The following SLC25A48 variants were observed in gnomAD, a reference collection of about 807,000 sequenced individuals.
The protein encoded by SLC25A48 is CTC-321K16.1.
SLC25A48 carries 29 observed loss-of-function variants against 32.2 expected under a neutral mutation model. The ratio of observed to expected loss-of-function variants is 0.90; its 90% CI spans 0.67 to 1.23. The LOEUF (loss-of-function observed/expected upper bound fraction) is 1.23. SLC25A48 is among the 50% of genes most tolerant of loss of function. SLC25A48 has a pLI of 0.00. For synonymous variants in SLC25A48, 164 were observed against 172.3 expected, an observed-to-expected ratio of 0.95 and a Z score of 0.38; for missense variants, 399 against 422.7, an observed-to-expected ratio of 0.94 and a Z score of 0.49.
At chr5:135,875,539 G>C (rs1761971849) in intron 6 of SLC25A48, 1 of 152,326 alleles carries the variant, frequency 6.6e-6, no homozygotes, top group East Asian at 1.9e-4. Context: ...TTCAATCATG[G>C]ATCAATCATC....
At chr5:135,658,893 C>G (rs1234055601) in intron 3 of SLC25A48, among the ~76,000 whole-genome samples, 1 of 152,252 alleles carries the variant, frequency 6.6e-6, no homozygotes, top group Non-Finnish European at 1.5e-5. Context: ...GGCACCATGT[C>G]TTGAGGCTGC....
At chr5:135,716,496 G>C (rs911186978) in intron 3 of SLC25A48, among the ~76,000 whole-genome samples, 2 of 152,106 alleles carry the variant, frequency 1.3e-5, no homozygotes, top group Non-Finnish European at 2.9e-5. Context: ...CTCCTCAGAG[G>C]GACCAGACAT....
intron 1 of SLC25A48, among the ~76,000 whole-genome samples, chr5:135,600,691 A>AT (rs11320465): frequency 7.3e-5 from 11 of 150,506 alleles, no homozygotes; most frequent in South Asian, 4.2e-4. Context: ...TTATTTATTT[A>AT]TTTTTTTTTG....
chr5:135,764,209 T>A (rs1424544917), intron 3 of SLC25A48, among the ~76,000 whole-genome samples: 2 of 151,972 alleles, frequency 1.3e-5, no homozygotes, highest in Non-Finnish European at 2.9e-5. Context: ...TGGTTCCTAA[T>A]ATCCAGAGCA....
At chr5:135,856,929 T>C (rs1169831092) in intron 4 of SLC25A48, among the ~76,000 whole-genome samples, 2 of 152,152 alleles carry the variant, frequency 1.3e-5, no homozygotes, top group African/African-American at 2.4e-5. Context: ...GTCTTAAAAC[T>C]GTTTGGGGTT....
intron 3 of SLC25A48, among the ~76,000 whole-genome samples, chr5:135,851,974 G>A (rs1188344167): frequency 1.3e-5 from 2 of 152,300 alleles, no homozygotes; most frequent in East Asian, 3.9e-4. Flanking sequence ...TCTAGAGGCT[G>A]GCCCAGGCAC....
At chr5:135,781,274 C>T (rs1271572855) in intron 3 of SLC25A48, among the ~76,000 whole-genome samples, 1 of 115,854 alleles carries the variant, frequency 8.6e-6, no homozygotes, top group East Asian at 2.2e-4. Context: ...CCCCATATTG[C>T]AGAAAGTGTA....
intron 4 of SLC25A48, among the ~76,000 whole-genome samples, chr5:135,857,869 C>A (rs1460269557): frequency 1.3e-5 from 2 of 152,082 alleles, no homozygotes; most frequent in Non-Finnish European, 2.9e-5. Context: ...ACCTTCAGAT[C>A]TCTCATCAGG....
intron 1 of SLC25A48, among the ~76,000 whole-genome samples, chr5:135,590,285 G>T (rs1444772863): frequency 4.6e-5 from 7 of 152,162 alleles, no homozygotes; most frequent in Non-Finnish European, 1.0e-4. Flanking sequence ...CCCCATCAAT[G>T]TGCAGAGGAA....
chr5:135,691,007 T>C lies in SLC25A48; in HGVS notation c.-521+56051T>C, dbSNP rs114941627. Among the ~76,000 whole-genome samples, 1,364 of 152,198 alleles carry C rather than the reference T, an allele frequency of 9.0e-3. 10 individuals are homozygous for C. The highest frequency in any genetic ancestry group is 0.024 in the Middle Eastern group (7 of 294). On this transcript the variant is annotated intron_variant, in intron 3 of 10. Transcript: ENST00000646290. ...CAACTGAGTTTGGAAGTTTTACATATGAATTTCTGACTTGTCGTTTAAGAA... is the reference window on the plus strand; with the variant it reads ...CAACTGAGTTTGGAAGTTTTACATACGAATTTCTGACTTGTCGTTTAAGAA...
upstream of SLC25A48, among the ~76,000 whole-genome samples, chr5:135,830,672 T>TC (rs1157120889): frequency 1.3e-5 from 2 of 152,204 alleles, no homozygotes; most frequent in Non-Finnish European, 2.9e-5. Context: ...TTCCTTCCCA[T>TC]CAGAGTCAAG....
At chr5:135,656,888 C>T (rs1356008260) in intron 3 of SLC25A48, among the ~76,000 whole-genome samples, 1 of 152,194 alleles carries the variant, frequency 6.6e-6, no homozygotes, top group Non-Finnish European at 1.5e-5. Context: ...GCCCTGCAGA[C>T]ACCTTGATCT....
intron 2 of SLC25A48, among the ~76,000 whole-genome samples, chr5:135,846,016 C>T (rs1052151584): frequency 4.6e-5 from 7 of 152,170 alleles, no homozygotes; most frequent in Non-Finnish European, 1.0e-4. Context: ...CTGTTAGGAA[C>T]GGGGCTGCAC....
chr5:135,791,427 A>T (rs1757028826), intron 3 of SLC25A48, among the ~76,000 whole-genome samples: 1 of 151,088 alleles, frequency 6.6e-6, no homozygotes, highest in Admixed American at 6.6e-5. Context: ...TCTTTGGGGG[A>T]TGTTACTTTT....
chr5:135,854,758 G>C (rs529043064), intron 4 of SLC25A48, among the ~76,000 whole-genome samples: 4 of 152,304 alleles, frequency 2.6e-5, no homozygotes, highest in African/African-American at 9.6e-5. Flanking sequence ...TTTTCTTCAA[G>C]CATTTTTCCT....
At chr5:135,710,806 A>C (rs1561458459) in intron 3 of SLC25A48, among the ~76,000 whole-genome samples, 1 of 152,244 alleles carries the variant, frequency 6.6e-6, no homozygotes, top group African/African-American at 2.4e-5. Context: ...CTGATAACCT[A>C]GCCTCATTTG....
chr5:135,760,279 A>G (rs561868697), intron 3 of SLC25A48, among the ~76,000 whole-genome samples: 32 of 152,126 alleles, frequency 2.1e-4, no homozygotes, highest in Non-Finnish European at 4.0e-4. Context: ...AAGGGTCTCT[A>G]TGGGGAGCAC....
chr5:135,727,510 T>C (rs1755117420), intron 3 of SLC25A48, among the ~76,000 whole-genome samples: 1 of 151,378 alleles, frequency 6.6e-6, no homozygotes, highest in Non-Finnish European at 1.5e-5. Context: ...TTTTCTCCTA[T>C]TTTTTTTTCT....
chr5:135,873,779 A>T lies in SLC25A48; in HGVS notation c.680-242A>T, dbSNP rs572132344. Among the ~76,000 whole-genome samples, 42 of 152,324 alleles carry T rather than the reference A, an allele frequency of 2.8e-4. No homozygotes were observed. The South Asian group carries it at 8.5e-3, about 31-fold the overall frequency. ...TGGTCCTCAAAACAGCCCCATAAAG[A>T]TAGGTACTGCCATCCCATTTTACAG... On this transcript the variant is annotated intron_variant, in intron 5 of 7. Transcript: ENST00000681962.
Sources: gnomAD v4.1 joint callset for allele counts (sites outside exome capture counted in the v4.1 genomes callset) on GRCh38, gnomAD v4.1.1 for gene constraint, MANE v1.5 for transcripts, NCBI Gene and HGNC (gene_info 2026-07-23, HGNC 2026-07-21) for gene names.